Variants in TMEM108 observed in about 807,000 individuals in gnomAD.
The protein encoded by TMEM108 is cancer/testis antigen 124.
Under a neutral mutation model 35.1 loss-of-function variants are expected in TMEM108, and 12 were observed. The observed-to-expected ratio is 0.34, with a 90% CI of 0.22 to 0.55. The LOEUF is 0.55. TMEM108 is among the 20% of genes least tolerant of loss of function. The probability of loss-of-function intolerance (pLI) is 0.89; values close to 1 mark genes in which losing one functional copy is unlikely to be tolerated. For missense variants in TMEM108, 680 were observed against 753.3 expected (o/e 0.90, Z 1.14); for synonymous variants, 287 against 308.6 (o/e 0.93, Z 0.73).
At chr3:133,144,690 G>A (rs1944690888) in intron 2 of TMEM108, among the ~76,000 whole-genome samples, 1 of 152,116 alleles carries the variant, frequency 6.6e-6, no homozygotes, top group Admixed American at 6.5e-5. Flanking sequence ...ATCTCATTGT[G>A]CTTTTGATTT....
chr3:133,157,314 A>G (rs757276619), intron 2 of TMEM108, among the ~76,000 whole-genome samples: 8 of 152,210 alleles, frequency 5.3e-5, no homozygotes, highest in Admixed American at 2.6e-4. Flanking sequence ...CTATTTTTCA[A>G]AAGTTTAATT....
intron 3 of TMEM108, among the ~76,000 whole-genome samples, chr3:133,377,835 G>A (rs995535208): frequency 3.3e-5 from 5 of 152,210 alleles, no homozygotes; most frequent in Non-Finnish European, 7.3e-5. Flanking sequence ...GTTACTGCCA[G>A]AGCTCTGCCT....
At chr3:133,272,850 C>A (rs562402178) in intron 3 of TMEM108, among the ~76,000 whole-genome samples, 1 of 152,194 alleles carries the variant, frequency 6.6e-6, no homozygotes, top group Admixed American at 6.5e-5. Context: ...TTGGCTGTCA[C>A]AATGACTGGG....
At chr3:133,317,027 G>T (rs1409433253) in intron 3 of TMEM108, among the ~76,000 whole-genome samples, 2 of 152,036 alleles carry the variant, frequency 1.3e-5, no homozygotes, top group East Asian at 3.9e-4. Context: ...TTCCAGTGTG[G>T]CCAGGATGGG....
chr3:133,330,295 T>C (rs2071380456), intron 3 of TMEM108, among the ~76,000 whole-genome samples: 1 of 152,194 alleles, frequency 6.6e-6, no homozygotes, highest in Non-Finnish European at 1.5e-5. Context: ...AGGGGATTCC[T>C]GGAGAGGCAA....
chr3:133,068,139 T>C (rs952042598), intron 2 of TMEM108, among the ~76,000 whole-genome samples: 2 of 151,814 alleles, frequency 1.3e-5, no homozygotes, highest in Non-Finnish European at 1.5e-5. Context: ...GTTAATGTTA[T>C]CTCTTAAAGG....
At chr3:133,324,717 C>G (rs2071308919) in intron 3 of TMEM108, among the ~76,000 whole-genome samples, 1 of 152,194 alleles carries the variant, frequency 6.6e-6, no homozygotes, top group African/African-American at 2.4e-5. Flanking sequence ...GTGGCTCACA[C>G]CTGTAATCCC....
Position 133,166,615 on chromosome 3 carries a change from G to A in TMEM108, c.-46-62651G>A, listed in dbSNP as rs531074418. ...TGAGTGTTACAGCTCTTAAAGCGGC[G>A]TGTCTGGAGTTGTTCCTTCCTCCCG... On this transcript the variant is annotated intron_variant, in intron 2 of 5. Transcript: ENST00000321871. Among the ~76,000 whole-genome samples, 17 of 152,086 alleles carry A rather than the reference G, an allele frequency of 1.1e-4. No homozygotes were observed. The East Asian group carries it at 2.5e-3, about 23-fold the overall frequency.
chr3:133,108,182 G>GATCA (rs1172825882), intron 2 of TMEM108, among the ~76,000 whole-genome samples: 1 of 152,074 alleles, frequency 6.6e-6, no homozygotes, highest in East Asian at 1.9e-4. Flanking sequence ...AATAAGCCAA[G>GATCA]ATCACACCGC....
chr3:133,153,438 C>G (rs1559849380), intron 2 of TMEM108, among the ~76,000 whole-genome samples: 1 of 152,098 alleles, frequency 6.6e-6, no homozygotes, highest in Non-Finnish European at 1.5e-5. Flanking sequence ...CCACAACATC[C>G]CTATGAAATA....
intron 2 of TMEM108, chr3:133,124,998 G>T (rs919920196): frequency 1.3e-5 from 2 of 152,186 alleles, no homozygotes; most frequent in Admixed American, 6.5e-5. Flanking sequence ...AAAATTATAT[G>T]GGGAGCTCTT....
At chr3:133,324,601 A>C (rs1024969735) in intron 3 of TMEM108, among the ~76,000 whole-genome samples, 2 of 152,200 alleles carry the variant, frequency 1.3e-5, no homozygotes, top group Non-Finnish European at 2.9e-5. Flanking sequence ...ACTATGGAAA[A>C]CAGTATGGAG....
intron 2 of TMEM108, among the ~76,000 whole-genome samples, chr3:133,048,590 T>C (rs948723830): frequency 2.0e-5 from 3 of 152,192 alleles, no homozygotes; most frequent in Non-Finnish European, 4.4e-5. Flanking sequence ...ATGTAAACTG[T>C]CCTGGCAGGT....
chr3:133,381,919 C>T (rs1369691924), intron 4 of TMEM108, among the ~76,000 whole-genome samples: 1 of 152,068 alleles, frequency 6.6e-6, no homozygotes, highest in Non-Finnish European at 1.5e-5. Flanking sequence ...GGACCTTGTC[C>T]TTAGTTTTTG....
At chr3:133,084,333 A>C (rs1301090356) in intron 2 of TMEM108, among the ~76,000 whole-genome samples, 1 of 152,162 alleles carries the variant, frequency 6.6e-6, no homozygotes, top group Non-Finnish European at 1.5e-5. Flanking sequence ...TGTTACTGTC[A>C]CTAGAACAAT....
At chr3:133,152,384 A>C (rs2107768931) in intron 2 of TMEM108, among the ~76,000 whole-genome samples, 1 of 152,310 alleles carries the variant, frequency 6.6e-6, no homozygotes, top group Admixed American at 6.5e-5. Context: ...TTGTTCAAGA[A>C]GTATCTCAGT....
At chr3:133,168,142 C>T (rs1261955385) in intron 2 of TMEM108, among the ~76,000 whole-genome samples, 1 of 152,142 alleles carries the variant, frequency 6.6e-6, no homozygotes, top group East Asian at 1.9e-4. Flanking sequence ...GCCTCCCATC[C>T]CATCCTGGCT....
intron 5 of TMEM108, among the ~76,000 whole-genome samples, chr3:133,393,735 C>T (rs972220966): frequency 2.0e-5 from 3 of 152,106 alleles, no homozygotes; most frequent in African/African-American, 7.2e-5. Flanking sequence ...GCTGTGAACC[C>T]CTGAACTTTA....
chr3:133,186,814 C>A (rs755583669), intron 2 of TMEM108, among the ~76,000 whole-genome samples: 1 of 152,066 alleles, frequency 6.6e-6, no homozygotes, highest in Non-Finnish European at 1.5e-5. Context: ...TGCTTCCAGA[C>A]ATCTGAGAGT....
Sources: allele counts gnomAD v4.1 joint callset (sites outside exome capture counted in the v4.1 genomes callset), GRCh38; gene constraint gnomAD v4.1.1; transcripts MANE v1.5; gene names NCBI Gene and HGNC (gene_info 2026-07-23, HGNC 2026-07-21).